CAST: variants seen among roughly 807,000 people sequenced by gnomAD.
CAST encodes the protein MIR583 host.
A neutral mutation model predicts 119.6 loss-of-function variants in CAST; 76 were observed. That is an observed-to-expected ratio of 0.64 (90% CI 0.53 to 0.77). The LOEUF (loss-of-function observed/expected upper bound fraction) is 0.77. Among genes scored for constraint, CAST ranks in the 30% least tolerant of loss-of-function variants. The pLI is 0.00. For synonymous variants in CAST, 319 were observed against 331.6 expected, an observed-to-expected ratio of 0.96 and a Z score of 0.41; for missense variants, 953 against 946.5, an observed-to-expected ratio of 1.01 and a Z score of -0.09.
the CAST span, among the ~76,000 whole-genome samples, chr5:96,271,915 A>G: frequency 1.3e-5 from 2 of 152,216 alleles, no homozygotes; most frequent in Admixed American, 6.5e-5. Context: ...CCAATAGCAA[A>G]AAAACAAATA....
At chr5:96,001,003 G>A in the CAST span, among the ~76,000 whole-genome samples, 1 of 152,108 alleles carries the variant, frequency 6.6e-6, no homozygotes, top group African/African-American at 2.4e-5. Flanking sequence ...GATGAACATT[G>A]GATTAGAATT....
the CAST span, among the ~76,000 whole-genome samples, chr5:96,102,255 G>A: frequency 6.6e-6 from 1 of 152,136 alleles, no homozygotes. Flanking sequence ...GCGATGGAGT[G>A]ACTTTCAGTG....
the CAST span, among the ~76,000 whole-genome samples, chr5:96,209,812 G>A: frequency 6.6e-6 from 1 of 151,480 alleles, no homozygotes; most frequent in Non-Finnish European, 1.5e-5. Flanking sequence ...TGTCTTGGGG[G>A]TGGTTGTCTT....
At chr5:96,324,259 C>T in the CAST span, among the ~76,000 whole-genome samples, 21 of 152,176 alleles carry the variant, frequency 1.4e-4, no homozygotes, top group African/African-American at 5.1e-4. Context: ...ATTGTAATCA[C>T]ATAAATTGAT....
At chr5:96,607,509 T>A (rs1747281740) in intron 1 of CAST, among the ~76,000 whole-genome samples, 2 of 151,690 alleles carry the variant, frequency 1.3e-5, no homozygotes, top group Non-Finnish European at 2.9e-5. Flanking sequence ...TATCATCCCT[T>A]AGACTTCACT....
At chr5:96,395,002 T>C in the CAST span, 6 of 1,613,732 alleles carry the variant, frequency 3.7e-6, no homozygotes, top group African/African-American at 8.0e-5. Flanking sequence ...TCACAATTCT[T>C]CCTTCATTTT....
the CAST span, among the ~76,000 whole-genome samples, chr5:96,027,213 C>G: frequency 6.6e-6 from 1 of 152,070 alleles, no homozygotes; most frequent in Admixed American, 6.6e-5. Context: ...CAACAATTAC[C>G]TATGTCTTGA....
At chr5:95,962,816 AT>A in the CAST span, among the ~76,000 whole-genome samples, 2 of 152,232 alleles carry the variant, frequency 1.3e-5, no homozygotes, top group East Asian at 3.9e-4. Flanking sequence ...CAGTTTGAGT[AT>A]TGTCCTTTTT....
At chr5:96,550,905 T>C (rs1746113526) in intron 1 of CAST, among the ~76,000 whole-genome samples, 2 of 152,106 alleles carry the variant, frequency 1.3e-5, no homozygotes, top group Admixed American at 1.3e-4. Flanking sequence ...CTCCAAGAAA[T>C]ACGGGACTAT....
chr5:96,406,722 A>T, the CAST span, among the ~76,000 whole-genome samples: 2 of 152,286 alleles, frequency 1.3e-5, no homozygotes, highest in African/African-American at 4.8e-5. Flanking sequence ...AGTCTACTGA[A>T]TATGACATAA....
chr5:96,245,856 A>G, the CAST span, among the ~76,000 whole-genome samples: 779 of 152,184 alleles, frequency 5.1e-3, 5 homozygotes, highest in African/African-American at 0.018. Flanking sequence ...ATGTCTTTGA[A>G]CTTCTTAGGG....
chr5:95,983,447 C>T, the CAST span, among the ~76,000 whole-genome samples: 1 of 152,320 alleles, frequency 6.6e-6, no homozygotes, highest in African/African-American at 2.4e-5. Context: ...TCCACACACA[C>T]ACAAAGACAC....
At chr5:96,623,682 T>C (rs916840242) in intron 1 of CAST, among the ~76,000 whole-genome samples, 1 of 151,896 alleles carries the variant, frequency 6.6e-6, no homozygotes, top group African/African-American at 2.4e-5. Flanking sequence ...ATGTTGGGGG[T>C]TTTTTATTTT....
chr5:96,021,158 G>A, the CAST span, among the ~76,000 whole-genome samples: 5,199 of 152,200 alleles, frequency 0.034, 147 homozygotes, highest in Non-Finnish European at 0.048. Flanking sequence ...GGGAAGCAAT[G>A]TGATATTGTT....
At chr5:96,592,215 C>A (rs954467468) in intron 1 of CAST, among the ~76,000 whole-genome samples, 1 of 151,894 alleles carries the variant, frequency 6.6e-6, no homozygotes, top group Non-Finnish European at 1.5e-5. Context: ...TGGCCTCTAG[C>A]AGAGACCACC....
chr5:96,373,205 AC>A, the CAST span, among the ~76,000 whole-genome samples: 1 of 152,234 alleles, frequency 6.6e-6, no homozygotes, highest in African/African-American at 2.4e-5. Flanking sequence ...GAACTGGATG[AC>A]AGTGATGATG....
the CAST span, among the ~76,000 whole-genome samples, chr5:96,251,679 C>T: frequency 0.13 from 19,016 of 151,972 alleles, 1,559 homozygotes; most frequent in East Asian, 0.21. Context: ...AAGCCCAGAC[C>T]TAGCTAGTTC....
the CAST span, among the ~76,000 whole-genome samples, chr5:96,118,824 T>G: frequency 6.6e-6 from 1 of 151,990 alleles, no homozygotes; most frequent in African/African-American, 2.4e-5. Flanking sequence ...ATACTTTTTT[T>G]TTTTTTCTTA....
intron 1 of CAST, among the ~76,000 whole-genome samples, chr5:96,555,367 A>AGACAGTGGGTGCAG (rs952900167): frequency 6.6e-6 from 1 of 152,190 alleles, no homozygotes; most frequent in Non-Finnish European, 1.5e-5. Flanking sequence ...GGGGAGTGTC[A>AGACAGTGGGTGCAG]GACAGTGGGT....
Sources: gnomAD v4.1 joint callset for allele counts (sites outside exome capture counted in the v4.1 genomes callset) on GRCh38, gnomAD v4.1.1 for gene constraint, MANE v1.5 for transcripts, NCBI Gene and HGNC (gene_info 2026-07-23, HGNC 2026-07-21) for gene names.